The following NSUN3 variants were observed in gnomAD, a reference collection of about 807,000 sequenced individuals.
The protein encoded by NSUN3 is tRNA (cytosine(34)-C(5))-methyltransferase, mitochondrial.
In NSUN3, 24 loss-of-function variants were observed where a neutral mutation model predicts 36.8. That is an observed-to-expected ratio of 0.65 (90% CI 0.47 to 0.92). The LOEUF (loss-of-function observed/expected upper bound fraction) is 0.92, where lower values mean the gene tolerates loss of function less well. NSUN3 is among the 40% of genes least tolerant of loss of function. The probability of loss-of-function intolerance (pLI) is 0.00; values close to 1 mark genes in which losing one functional copy is unlikely to be tolerated. For missense variants in NSUN3, 381 were observed against 392.8 expected (o/e 0.97, Z 0.25); for synonymous variants, 146 against 145.2 (o/e 1.01, Z -0.04).
chr3:94,109,030 C>A (rs1261092540), intron 5 of NSUN3, among the ~76,000 whole-genome samples: 1 of 152,144 alleles, frequency 6.6e-6, no homozygotes, highest in African/African-American at 2.4e-5. Context: ...GTAAAAAATA[C>A]AAAATGAATG....
chr3:94,105,861 G>T (rs1323071252), intron 5 of NSUN3, among the ~76,000 whole-genome samples: 1 of 148,878 alleles, frequency 6.7e-6, no homozygotes, highest in Non-Finnish European at 1.5e-5. Flanking sequence ...GTCAATTCTG[G>T]TGGTTTTCTT....
At chr3:94,106,820 G>C (rs921218194) in intron 5 of NSUN3, among the ~76,000 whole-genome samples, 21 of 151,774 alleles carry the variant, frequency 1.4e-4, no homozygotes, top group Admixed American at 1.3e-3. Context: ...TACTGGAAAG[G>C]AATACTAGAA....
chr3:94,084,538 A>C (rs903197659), intron 3 of NSUN3, 88 bp downstream of exon 3: 13 of 1,026,728 alleles, frequency 1.3e-5, no homozygotes, highest in Non-Finnish European at 1.8e-5. Context: ...GAGAAACGTA[A>C]GACTGAGTTT....
intron 5 of NSUN3, among the ~76,000 whole-genome samples, chr3:94,113,519 G>C (rs2077426951): frequency 6.6e-6 from 1 of 152,164 alleles, no homozygotes; most frequent in Non-Finnish European, 1.5e-5. Context: ...ATATGAAAAA[G>C]AGGAAAGGCA....
At chr3:94,122,310 C>G (rs1423740213) in intron 5 of NSUN3, among the ~76,000 whole-genome samples, 2 of 152,108 alleles carry the variant, frequency 1.3e-5, no homozygotes, top group Non-Finnish European at 2.9e-5. Flanking sequence ...GGATTGCTCC[C>G]CTGCAACTCT....
intron 5 of NSUN3, among the ~76,000 whole-genome samples, chr3:94,100,144 A>T (rs899502100): frequency 1.3e-5 from 2 of 152,192 alleles, no homozygotes; most frequent in Admixed American, 1.3e-4. Flanking sequence ...TGGCACTCAG[A>T]AGTGAGAAAA....
At position 94,114,320 on chromosome 3, in the gene NSUN3, T is replaced by G. The variant is rs1208447170; in HGVS notation, c.744-11891T>G. Among the ~76,000 whole-genome samples the G allele has an allele frequency of 2.0e-5, 3 of 152,190 alleles. No homozygotes were observed. In the East Asian group the frequency reaches 5.8e-4, roughly 29 times the overall value. On this transcript the variant is annotated intron_variant, in intron 5 of 5. Transcript: ENST00000314622. ...GTGGCAGTCTTCGTGCTGCTTTAAT[T>G]AGCTGTGTCACTTCAGGCAAATCAG...
At chr3:94,098,832 TC>T (rs1031681045) in intron 5 of NSUN3, among the ~76,000 whole-genome samples, 3 of 152,168 alleles carry the variant, frequency 2.0e-5, no homozygotes, top group African/African-American at 4.8e-5. Context: ...TTGCCTGACT[TC>T]CTAGGAGTGG....
intron 2 of NSUN3, chr3:94,075,808 G>A: frequency 1.1e-6 from 1 of 888,664 alleles, no homozygotes. Flanking sequence ...TTATATAGAG[G>A]GATACCTGAA....
chr3:94,089,940 T>C (rs2107251622), intron 3 of NSUN3, among the ~76,000 whole-genome samples: 1 of 152,282 alleles, frequency 6.6e-6, no homozygotes, highest in African/African-American at 2.4e-5. Flanking sequence ...CCACTAACAC[T>C]TTTAGTACAT....
chr3:94,123,858 A>G (rs13094371), intron 5 of NSUN3, among the ~76,000 whole-genome samples: 3,560 of 152,208 alleles, frequency 0.023, 65 homozygotes, highest in South Asian at 0.063. Context: ...TAACTGTCCC[A>G]TTTAAAATTA....
intron 2 of NSUN3, among the ~76,000 whole-genome samples, chr3:94,070,468 A>C (rs2077221171): frequency 6.6e-6 from 1 of 152,162 alleles, no homozygotes; most frequent in African/African-American, 2.4e-5. Flanking sequence ...CTCTAAAAAA[A>C]AGAAGACAAA....
chr3:94,095,060 G>T lies in NSUN3; in HGVS notation c.649G>T (p.Asp217Tyr), dbSNP rs2077331905. The change falls in exon 5 of 6, where the codon GAT (aspartate) becomes TAT (tyrosine). Residue 217 changes from aspartate to tyrosine, a missense_variant. Coordinates refer to ENST00000314622, the MANE Select transcript of NSUN3 (RefSeq NM_022072.5). The stretch of plus-strand genomic sequence containing the variant: ...GTTAGTGGATGCTCCGTGTTCAAAT[G>T]ATCGAAGCTGGTTGTTTTCTTCTGA... ...KVLVDAPCSN[D>Y]RSWLFSSDSQ... is the part of the protein sequence containing the mutation. 5.0e-6 allele frequency: 8 copies of T among 1,613,912 alleles called. No homozygotes were observed. The highest frequency in any genetic ancestry group is 1.1e-5 in the South Asian group (1 of 91,048).
At chr3:94,113,874 T>C (rs577364130) in intron 5 of NSUN3, among the ~76,000 whole-genome samples, 1 of 152,314 alleles carries the variant, frequency 6.6e-6, no homozygotes, top group African/African-American at 2.4e-5. Flanking sequence ...GTTTCTACAT[T>C]GAGTCTAATA....
intron 4 of NSUN3, 107 bp from the exon 5 acceptor site, chr3:94,094,926 C>T: frequency 4.4e-6 from 5 of 1,131,502 alleles, no homozygotes; most frequent in Non-Finnish European, 6.3e-6. Flanking sequence ...AATGTTTTTA[C>T]TTATTTCCTA....
At chr3:94,118,205 C>A (rs913182677) in intron 5 of NSUN3, among the ~76,000 whole-genome samples, 5 of 152,072 alleles carry the variant, frequency 3.3e-5, no homozygotes, top group African/African-American at 1.2e-4. Context: ...AAAACATATA[C>A]CTTCAGATTA....
chr3:94,092,295 G>T (rs912469600), intron 3 of NSUN3, among the ~76,000 whole-genome samples: 1 of 152,114 alleles, frequency 6.6e-6, no homozygotes, highest in African/African-American at 2.4e-5. Flanking sequence ...ACTGACCAAA[G>T]CTCTAGGCAG....
intron 2 of NSUN3, among the ~76,000 whole-genome samples, chr3:94,073,904 GT>G (rs1560029780): frequency 1.3e-5 from 2 of 152,088 alleles, no homozygotes; most frequent in East Asian, 3.9e-4. Flanking sequence ...TATTGCCTAG[GT>G]TTTCTTCTAG....
intron 3 of NSUN3, among the ~76,000 whole-genome samples, chr3:94,090,401 G>A (rs919284598): frequency 4.6e-5 from 7 of 152,126 alleles, no homozygotes; most frequent in Admixed American, 1.3e-4. Flanking sequence ...TTAAAATGCT[G>A]ACTTGAGAAT....
Sources: gnomAD v4.1 joint callset for allele counts (sites outside exome capture counted in the v4.1 genomes callset) on GRCh38, gnomAD v4.1.1 for gene constraint, MANE v1.5 for transcripts, NCBI Gene and HGNC (gene_info 2026-07-23, HGNC 2026-07-21) for gene names.